The following KANK1 variants were observed in gnomAD, a reference collection of about 807,000 sequenced individuals.
KANK1 encodes the protein KN motif and ankyrin repeat domains 1.
Under a neutral mutation model 106.2 loss-of-function variants are expected in KANK1, and 109 were observed. The observed-to-expected ratio is 1.03, with a 90% confidence interval of 0.88 to 1.20. KANK1 has a LOEUF of 1.20. Among genes scored for constraint, KANK1 ranks in the 50% most tolerant of loss-of-function variants. The pLI is 0.00. For synonymous variants in KANK1, 873 were observed against 652.2 expected (o/e 1.34, Z -5.16); for missense variants, 2,399 against 1,710.7 (o/e 1.40, Z -7.10).
intron 1 of KANK1, among the ~76,000 whole-genome samples, chr9:531,116 G>A (rs1336675119): frequency 6.6e-6 from 1 of 152,024 alleles, no homozygotes; most frequent in East Asian, 1.9e-4. Flanking sequence ...CTCCAATGAG[G>A]GGGAAACAGA....
chr9:635,476 A>C (rs189495463), intron 1 of KANK1, among the ~76,000 whole-genome samples: 1 of 152,170 alleles, frequency 6.6e-6, no homozygotes, highest in Non-Finnish European at 1.5e-5. Flanking sequence ...CTTTTCCCCA[A>C]AATGCTAAGA....
At chr9:625,148 G>A (rs184422668) in intron 1 of KANK1, among the ~76,000 whole-genome samples, 24 of 152,254 alleles carry the variant, frequency 1.6e-4, no homozygotes, top group Non-Finnish European at 2.9e-4. Context: ...ATTTGGCAGC[G>A]AATTCCTGCA....
At position 742,417 on chromosome 9, in the gene KANK1, C is replaced by G. The variant is rs1346819154; in HGVS notation, c.3897+12C>G. 2 of 1,601,248 alleles carry G rather than the reference C, an allele frequency of 1.2e-6. No individual in the cohort carries two copies. The highest frequency in any genetic ancestry group is 2.7e-5 in the African/African-American group (2 of 74,688). On this transcript the variant is annotated intron_variant, in intron 10 of 11. Coordinates refer to ENST00000382297, the MANE Select transcript of KANK1 (RefSeq NM_015158.5). ...ACCTAGAGGACAACGTAAGCTGTCT[C>G]CATTGGGCCTCCTGGCCAGGGGTCT...
At chr9:630,989 T>C (rs1835593055) in intron 1 of KANK1, among the ~76,000 whole-genome samples, 1 of 152,056 alleles carries the variant, frequency 6.6e-6, no homozygotes, top group South Asian at 2.1e-4. Context: ...GCTTAGTCAA[T>C]ATCTGGTTGT....
At chr9:502,720 T>G (rs182394791), upstream of KANK1, among the ~76,000 whole-genome samples, 153 of 152,210 alleles carry the variant, frequency 1.0e-3, no homozygotes, top group African/African-American at 3.7e-3. Flanking sequence ...GACATGGGGT[T>G]TCACCATGTT....
chr9:623,372 T>C (rs1344745642), intron 1 of KANK1, among the ~76,000 whole-genome samples: 1 of 152,020 alleles, frequency 6.6e-6, no homozygotes, highest in African/African-American at 2.4e-5. Flanking sequence ...GGTGGATTGC[T>C]TGAGTCCAGG....
intron 1 of KANK1, among the ~76,000 whole-genome samples, chr9:548,852 G>T (rs150825651): frequency 9.2e-5 from 14 of 152,282 alleles, no homozygotes; most frequent in African/African-American, 3.4e-4. Flanking sequence ...GCTGAGATGG[G>T]AGGATTGCTT....
chr9:692,606 A>G (rs1324069313), intron 2 of KANK1, among the ~76,000 whole-genome samples: 2 of 151,234 alleles, frequency 1.3e-5, no homozygotes, highest in East Asian at 3.9e-4. Flanking sequence ...GTATATGTGG[A>G]CAGTTGTATA....
At chr9:633,233 G>A (rs1191883042) in intron 1 of KANK1, among the ~76,000 whole-genome samples, 1 of 152,090 alleles carries the variant, frequency 6.6e-6, no homozygotes, top group Non-Finnish European at 1.5e-5. Context: ...GAGGCGGGCA[G>A]ATCAGAAGGT....
chr9:490,062 G>C (rs2058352835), intron 3 of KANK1, among the ~76,000 whole-genome samples: 1 of 152,132 alleles, frequency 6.6e-6, no homozygotes, highest in Non-Finnish European at 1.5e-5. Context: ...GGTTTTATAG[G>C]GTCACTCTCT....
chr9:708,982 C>T (rs1337383558), intron 2 of KANK1, among the ~76,000 whole-genome samples: 7 of 152,202 alleles, frequency 4.6e-5, no homozygotes, highest in Non-Finnish European at 1.0e-4. Flanking sequence ...CTTGTGTTTC[C>T]TCTTTTAAAT....
chr9:509,205 C>T (rs770862533), intron 1 of KANK1, among the ~76,000 whole-genome samples: 1 of 152,130 alleles, frequency 6.6e-6, no homozygotes, highest in Non-Finnish European at 1.5e-5. Flanking sequence ...TCAAGCAATT[C>T]TCCTGCCTCA....
intron 2 of KANK1, among the ~76,000 whole-genome samples, chr9:686,153 C>G (rs1335802044): frequency 6.6e-6 from 1 of 152,112 alleles, no homozygotes; most frequent in Admixed American, 6.5e-5. Context: ...CTAACTAAAA[C>G]CAGAAAAAAG....
chr9:673,680 G>A (rs1375039915), intron 1 of KANK1: 1 of 152,038 alleles, frequency 6.6e-6, no homozygotes, highest in Admixed American at 6.6e-5. Context: ...GAGGACCTTG[G>A]GCCAAAGTTT....
At chr9:704,098 G>A (rs368107493) in intron 2 of KANK1, among the ~76,000 whole-genome samples, 42 of 152,166 alleles carry the variant, frequency 2.8e-4, no homozygotes, top group Admixed American at 2.2e-3. Flanking sequence ...ATAATTTAGC[G>A]TCTTTCTCCT....
intron 1 of KANK1, among the ~76,000 whole-genome samples, chr9:577,572 G>C (rs1217804929): frequency 2.0e-5 from 3 of 152,170 alleles, no homozygotes; most frequent in Non-Finnish European, 4.4e-5. Flanking sequence ...TCACCTCTCA[G>C]TATCATCTCC....
intron 1 of KANK1, among the ~76,000 whole-genome samples, chr9:583,155 T>C (rs1822592568): frequency 6.6e-6 from 1 of 152,128 alleles, no homozygotes. Flanking sequence ...AAGGAGGAAA[T>C]TTTACTACAA....
Position 713,359 on chromosome 9 carries a change from C to A in KANK1, c.2593C>A (p.Gln865Lys), listed in dbSNP as rs1437356268. 1 of 1,614,070 alleles carries A rather than the reference C, an allele frequency of 6.2e-7. No homozygotes were observed. Among genetic ancestry groups the A allele is most frequent in the Non-Finnish European group, 8.5e-7 (1 of 1,180,028 alleles). The change falls in exon 3 of 12, where the codon CAG becomes AAG. Residue 865 changes from glutamine to lysine, a missense_variant. Coordinates refer to ENST00000382297, the MANE Select transcript of KANK1 (RefSeq NM_015158.5). The stretch of plus-strand genomic sequence containing the variant: ...CTCACAGATGGGCTCCCTCAACTCT[C>A]AGCTCATCAGCACCCTGTCGTCTAT... ...PHSQMGSLNS[Q>K]LISTLSSINS... is the part of the protein sequence containing the mutation.
In KANK1 at chr9:712,339, C is replaced by G; in HGVS notation, c.1573C>G (p.Gln525Glu). Residue 525 changes from glutamine (Q) to glutamate (E), a missense_variant, in exon 3 of 12, where the codon CAA becomes GAA. By Grantham distance (29) the Gln-to-Glu change is conservative. Transcript: ENST00000382297. ...VVEAVVQTRD[Q>E]MVGSHMDLVD... The stretch of plus-strand genomic sequence containing the variant: ...GGAGGCAGTGGTGCAGACCAGAGAC[C>G]AAATGGTCGGCAGTCACATGGACCT... 6.2e-7 allele frequency: 1 copy of G among 1,614,172 alleles called. No individual in the cohort carries two copies. Among genetic ancestry groups the G allele is most frequent in the Non-Finnish European group, 8.5e-7 (1 of 1,180,034 alleles).
Sources: gnomAD v4.1 joint callset for allele counts (sites outside exome capture counted in the v4.1 genomes callset) on GRCh38, gnomAD v4.1.1 for gene constraint, MANE v1.5 for transcripts, NCBI Gene and HGNC (gene_info 2026-07-23, HGNC 2026-07-21) for gene names.